HTT: variants seen among roughly 807,000 people sequenced by gnomAD.
HTT encodes the protein huntington disease protein.
Under a neutral mutation model 362.3 loss-of-function variants are expected in HTT, and 104 were observed. The ratio of observed to expected loss-of-function variants is 0.29; its 90% confidence interval spans 0.24 to 0.34. The LOEUF (loss-of-function observed/expected upper bound fraction) is 0.34. Among genes scored for constraint, HTT ranks in the 10% least tolerant of loss-of-function variants. The pLI is 1.00. For missense variants in HTT, 3,301 were observed against 3,928.6 expected, an observed-to-expected ratio of 0.84 and a Z score of 4.27; for synonymous variants, 1,577 against 1,548.7, an observed-to-expected ratio of 1.02 and a Z score of -0.43.
chr4:3,219,409 G>T (rs1418483184), intron 52 of HTT, among the ~76,000 whole-genome samples: 1 of 152,200 alleles, frequency 6.6e-6, no homozygotes, highest in Non-Finnish European at 1.5e-5. Context: ...GCATTGAGGA[G>T]TTCCCTGAGT....
intron 29 of HTT, among the ~76,000 whole-genome samples, chr4:3,170,849 G>A (rs145592056): frequency 2.0e-5 from 3 of 152,302 alleles, no homozygotes; most frequent in African/African-American, 7.2e-5. Flanking sequence ...GTCTCAGGCA[G>A]GAGGGTAAAC....
intron 39 of HTT, 78 bp downstream of exon 39, chr4:3,187,964 G>T: frequency 2.5e-6 from 2 of 788,564 alleles, no homozygotes; most frequent in Non-Finnish European, 4.2e-6. Context: ...AGTAAGTCTG[G>T]AATAATACCT....
intron 44 of HTT, 67 bp from the exon 45 acceptor site, chr4:3,207,214 A>T: frequency 7.2e-7 from 1 of 1,395,442 alleles, no homozygotes; most frequent in Non-Finnish European, 1.0e-6. Flanking sequence ...CATCCTTTTT[A>T]AATGAGCATG....
intron 41 of HTT, among the ~76,000 whole-genome samples, chr4:3,202,155 G>A (rs919872612): frequency 2.6e-5 from 4 of 152,094 alleles, no homozygotes; most frequent in African/African-American, 4.8e-5. Context: ...ATACTTTGGC[G>A]CTTGTGGGTG....
Position 3,191,154 on chromosome 4 carries a change from G to GCTTTCTTTCTTTCTTT in HTT, c.5368+2074_5368+2089dup, listed in dbSNP as rs71180117. Among the ~76,000 whole-genome samples the GCTTTCTTTCTTTCTTT allele has an allele frequency of 8.7e-4, 128 of 147,942 alleles. 1 individual carries two copies. The highest frequency in any genetic ancestry group is 2.9e-3 in the African/African-American group (118 of 40,462). On this transcript the variant is annotated intron_variant, in intron 40 of 66. Coordinates refer to ENST00000355072, the MANE Select transcript of HTT (RefSeq NM_001388492.1). Reference sequence around the variant, plus strand: ...TAGTCATAATGTAAATACTGCTTGAGCTTTCTTTCTTTCTTTCTTTCTTTC... The same window carrying GCTTTCTTTCTTTCTTT: ...TAGTCATAATGTAAATACTGCTTGAGCTTTCTTTCTTTCTTTCTTTCTTTCTTTCTTTCTTTCTTTC...
At chr4:3,238,304 G>A in intron 64 of HTT, 143 bp from the exon 65 acceptor site, 1 of 583,196 alleles carries the variant, frequency 1.7e-6, no homozygotes, top group Non-Finnish European at 2.8e-6. Flanking sequence ...TCCCCACTTG[G>A]AAAGTCCCTC....
In HTT at chr4:3,148,040, T is replaced by A; in HGVS notation, c.3331T>A (p.Ser1111Thr). Residue 1111 changes from serine (S) to threonine (T), a missense_variant, in exon 26 of 67, where the codon TCT becomes ACT. Ser to Thr is a moderately conservative substitution (Grantham distance 58). Coordinates refer to ENST00000355072, the MANE Select transcript of HTT (RefSeq NM_001388492.1). ...CAAATCTCTGAGAAGTTCATGGGCC[T>A]CTGAAGAAGAAGCCAACCCAGCAGC... ...APKSLRSSWA[S>T]EEEANPAATK... 6.2e-7 allele frequency: 1 copy of A among 1,613,992 alleles called. No homozygotes were observed. Among genetic ancestry groups the A allele is most frequent in the Non-Finnish European group, 8.5e-7 (1 of 1,179,964 alleles).
chr4:3,180,716 G>A (rs2110240526), intron 36 of HTT, 65 bp downstream of exon 36: 2 of 1,432,502 alleles, frequency 1.4e-6, no homozygotes, highest in South Asian at 2.9e-5. Context: ...GGAAGGAAGT[G>A]CCATGTGGTA....
intron 19 of HTT, among the ~76,000 whole-genome samples, chr4:3,134,968 C>CA (rs11409456): frequency 0.47 from 70,888 of 151,852 alleles, 17,156 homozygotes; most frequent in African/African-American, 0.58. Flanking sequence ...ATTGATCCTC[C>CA]ATCTTGGCCT....
chr4:3,075,181 G>T, intron 1 of HTT, 93 bp downstream of exon 1: 1 of 1,114,208 alleles, frequency 9.0e-7, no homozygotes, highest in South Asian at 4.4e-5. Flanking sequence ...CCGGCGACAC[G>T]AACCCCCGGC....
In HTT at chr4:3,215,316, C is replaced by T. The variant is rs373119458; in HGVS notation, c.7054+105C>T. 455 of 747,756 alleles carry T rather than the reference C, an allele frequency of 6.1e-4. 1 individual carries two copies. Among genetic ancestry groups the T allele is most frequent in the Middle Eastern group, 3.3e-3 (14 of 4,260 alleles). The allele number at this position is 747,756 out of a possible 1,614,324, so 46.3% of individuals were successfully genotyped here. On this transcript the variant is annotated intron_variant, in intron 51 of 66. Coordinates refer to ENST00000355072, the MANE Select transcript of HTT (RefSeq NM_001388492.1). ...TGAGTGTGGACTCCTGGAAGCGCAC[C>T]GTAGCTCCGCTGTGTCCTGCTGCTC...
intron 25 of HTT, among the ~76,000 whole-genome samples, chr4:3,147,399 C>T (rs1327760177): frequency 1.3e-5 from 2 of 152,078 alleles, no homozygotes; most frequent in Non-Finnish European, 2.9e-5. Flanking sequence ...GAGCACAACA[C>T]GGAGAGGGTG....
chr4:3,174,640 G>T, intron 31 of HTT, 81 bp from the exon 32 acceptor site: 1 of 1,127,094 alleles, frequency 8.9e-7, no homozygotes. Flanking sequence ...AAATTGGTTT[G>T]AGCAGGAGTA....
chr4:3,091,858 A>G (rs75468757), intron 2 of HTT, among the ~76,000 whole-genome samples: 1 of 152,244 alleles, frequency 6.6e-6, no homozygotes, highest in African/African-American at 2.4e-5. Flanking sequence ...GGGAAAATAT[A>G]AAGCTTTAGA....
At chr4:3,209,115 A>G (rs773003396) in intron 46 of HTT, among the ~76,000 whole-genome samples, 23 of 152,202 alleles carry the variant, frequency 1.5e-4, no homozygotes, top group Non-Finnish European at 3.1e-4. Flanking sequence ...CCCTTTTGGT[A>G]GGAGTGTGGG....
chr4:3,213,080 C>G, intron 49 of HTT: 1 of 226,524 alleles, frequency 4.4e-6, no homozygotes, highest in Non-Finnish European at 8.8e-6. Flanking sequence ...TAATTCGCCC[C>G]CAGAATGTGT....
intron 20 of HTT, 35 bp from the exon 21 acceptor site, chr4:3,136,191 G>T: frequency 7.1e-7 from 1 of 1,415,242 alleles, no homozygotes; most frequent in Non-Finnish European, 9.9e-7. Flanking sequence ...TCAAATACAA[G>T]ATTATGTTTA....
chr4:3,181,142 A>G (rs1718506110), intron 36 of HTT, among the ~76,000 whole-genome samples: 2 of 151,896 alleles, frequency 1.3e-5, no homozygotes, highest in African/African-American at 4.8e-5. Context: ...TTGGCCTCCC[A>G]AAGTGCTAGG....
intron 1 of HTT, among the ~76,000 whole-genome samples, chr4:3,081,705 G>GCGC (rs953430478): frequency 1.1e-4 from 17 of 151,580 alleles, no homozygotes; most frequent in Non-Finnish European, 2.4e-4. Context: ...TTACAGGCAT[G>GCGC]CGCCACCACA....
Sources: allele counts gnomAD v4.1 joint callset (sites outside exome capture counted in the v4.1 genomes callset), GRCh38; gene constraint gnomAD v4.1.1; transcripts MANE v1.5; gene names NCBI Gene and HGNC (gene_info 2026-07-23, HGNC 2026-07-21).